KCNQ1: variants seen among roughly 807,000 people sequenced by gnomAD.
KCNQ1 encodes the protein potassium voltage-gated channel subfamily KQT member 1.
In KCNQ1, 49 loss-of-function variants were observed where a neutral mutation model predicts 72.4. The observed-to-expected ratio is 0.68, with a 90% CI of 0.54 to 0.86. The LOEUF is 0.86. KCNQ1 is among the 40% of genes least tolerant of loss of function. The pLI is 0.00. For missense variants in KCNQ1, 790 were observed against 945.1 expected, an observed-to-expected ratio of 0.84 and a Z score of 2.15; for synonymous variants, 450 against 412.6, an observed-to-expected ratio of 1.09 and a Z score of -1.10.
chr11:2,665,187 C>T (rs1447235476), intron 11 of KCNQ1: 4 of 398,566 alleles, frequency 1.0e-5, no homozygotes, highest in East Asian at 3.6e-5. Flanking sequence ...GACTCAGCCT[C>T]GAACACACCT....
chr11:2,532,603 T>A (rs1321516300), intron 2 of KCNQ1, among the ~76,000 whole-genome samples: 1 of 151,326 alleles, frequency 6.6e-6, no homozygotes, highest in Non-Finnish European at 1.5e-5. Context: ...GGGCTCTGGG[T>A]GGGGAGACAG....
chr11:2,688,054 G>A (rs1285652411), intron 11 of KCNQ1: 2 of 398,730 alleles, frequency 5.0e-6, no homozygotes, highest in Non-Finnish European at 8.8e-6. Context: ...CTCAGCTGCA[G>A]CCATGGAGTT....
chr11:2,759,014 A>C lies in KCNQ1; in HGVS notation c.1515-9830A>C, dbSNP rs1183825249. Reference sequence around the variant, plus strand: ...CACAAGGCAGAGCCACGCACACTGTACCAATGTCAATCTCCTGGCGTTGAT... The same window carrying C: ...CACAAGGCAGAGCCACGCACACTGTCCCAATGTCAATCTCCTGGCGTTGAT... On this transcript the variant is annotated intron_variant, in intron 11 of 15. Coordinates refer to ENST00000155840, the MANE Select transcript of KCNQ1 (RefSeq NM_000218.3). The surrounding 1 kb of genome is among the most constrained non-coding windows in gnomAD (Gnocchi z 4.4). Among the ~76,000 whole-genome samples, 2 of 151,992 alleles carry C rather than the reference A, an allele frequency of 1.3e-5. No individual in the cohort carries two copies. The highest frequency in any genetic ancestry group is 2.9e-5 in the Non-Finnish European group (2 of 68,026).
chr11:2,835,827 C>A (rs1848052514), intron 15 of KCNQ1, among the ~76,000 whole-genome samples: 1 of 152,188 alleles, frequency 6.6e-6, no homozygotes, highest in Non-Finnish European at 1.5e-5. Context: ...GCAGCGGGCT[C>A]AGCCTGCAGT....
In KCNQ1 at chr11:2,746,130, T is replaced by C. The variant is rs1441178530; in HGVS notation, c.1515-22714T>C. ...ATCTCGAACTCCTGGCCTCAAGTGA[T>C]CCATCCGCCTCGGCCTCCCAAAGTG... is the stretch of plus-strand genomic sequence containing the variant. On this transcript the variant is annotated intron_variant, in intron 11 of 15. Transcript: ENST00000155840. This position sits in a 1 kb window ranked among gnomAD's most constrained non-coding sequence, Gnocchi z 5.9. 6.6e-6 allele frequency among the ~76,000 whole-genome samples: 1 copy of C among 152,182 alleles called. No homozygotes were observed. Among genetic ancestry groups the C allele is most frequent in the African/African-American group, 2.4e-5 (1 of 41,434 alleles).
At position 2,486,334 on chromosome 11, in the gene KCNQ1, T is replaced by C. The variant is rs1034871277; in HGVS notation, c.386+40850T>C. 2.6e-5 allele frequency among the ~76,000 whole-genome samples: 4 copies of C among 152,356 alleles called. No individual in the cohort carries two copies. The highest frequency in any genetic ancestry group is 1.3e-4 in the Admixed American group (2 of 15,308). ...CTCCTCAGCTCTTTTGCCCACTTCA[T>C]TAAATTGAGAGGTTTGTTTTTGCTG... On this transcript the variant is annotated intron_variant, in intron 1 of 15. Coordinates refer to ENST00000155840, the MANE Select transcript of KCNQ1 (RefSeq NM_000218.3). The surrounding 1 kb of genome is among the most constrained non-coding windows in gnomAD (Gnocchi z 5.0).
At chr11:2,634,995 T>C (rs1028042478) in intron 10 of KCNQ1, 2 of 152,278 alleles carry the variant, frequency 1.3e-5, no homozygotes, top group African/African-American at 2.4e-5. Context: ...GAGAAGTGTC[T>C]GTTCATAACC....
chr11:2,659,002 A>G lies in KCNQ1; in HGVS notation c.1394-2959A>G. The G allele has an allele frequency of 2.5e-6, 1 of 398,608 alleles. No homozygotes were observed. Among genetic ancestry groups the G allele is most frequent in the East Asian group, 3.6e-5 (1 of 28,082 alleles). 24.7% of individuals were successfully genotyped at this position (398,608 alleles called of 1,614,324 possible). ...AGTCAAAACAGTGTTTTTGAAAGCA[A>G]CATATGCCAGCTCCTCCTCCTCCTT... is the stretch of plus-strand genomic sequence containing the variant. On this transcript the variant is annotated intron_variant, in intron 10 of 15. Coordinates refer to ENST00000155840, the MANE Select transcript of KCNQ1 (RefSeq NM_000218.3). The surrounding 1 kb of genome is among the most constrained non-coding windows in gnomAD (Gnocchi z 4.3).
At position 2,462,886 on chromosome 11, in the gene KCNQ1, G is replaced by A. The variant is rs1042383735; in HGVS notation, c.386+17402G>A. ...GGGACCAAACCTGGGTCCATGTGCC[G>A]TGCCCAGCCTGGGGTTCAGGTTTCT... On this transcript the variant is annotated intron_variant, in intron 1 of 15. Transcript: ENST00000155840. The surrounding 1 kb of genome is among the most constrained non-coding windows in gnomAD (Gnocchi z 8.2). Among the ~76,000 whole-genome samples, 2 of 152,170 alleles carry A rather than the reference G, an allele frequency of 1.3e-5. No individual in the cohort carries two copies. Among genetic ancestry groups the A allele is most frequent in the Non-Finnish European group, 2.9e-5 (2 of 68,030 alleles).
rs968684832 is a variant in KCNQ1 at position 2,711,807 on chromosome 11, G to T, written c.1514+49726G>T. Among the ~76,000 whole-genome samples the T allele has an allele frequency of 6.6e-6, 1 of 152,184 alleles. No homozygotes were observed. The highest frequency in any genetic ancestry group is 1.5e-5 in the Non-Finnish European group (1 of 68,038). On this transcript the variant is annotated intron_variant, in intron 11 of 15. Coordinates refer to ENST00000155840, the MANE Select transcript of KCNQ1 (RefSeq NM_000218.3). This position sits in a 1 kb window ranked among gnomAD's most constrained non-coding sequence, Gnocchi z 5.4. The stretch of plus-strand genomic sequence containing the variant: ...AACTCGAGGGTCTCAAATCCACTCA[G>T]CAGACTTAGGAGGGAGGGTCCTGGC...
chr11:2,652,782 C>T lies in KCNQ1; in HGVS notation c.1394-9179C>T, dbSNP rs1469238403. The T allele has an allele frequency of 1.3e-5, 5 of 398,986 alleles. No homozygotes were observed. Among genetic ancestry groups the T allele is most frequent in the Non-Finnish European group, 2.2e-5 (5 of 226,456 alleles). The allele number at this position is 398,986 out of a possible 1,614,324, so 24.7% of individuals were successfully genotyped here. A position where few individuals can be genotyped will look rare whatever the true frequency, so the allele number is the denominator to read the frequency against. ...CTGCCTGTCTTCCTCAGCGCCCCCG[C>T]TACTCAGACCCCACCCTTGGGCCTG... On this transcript the variant is annotated intron_variant, in intron 10 of 15. Transcript: ENST00000155840. The surrounding 1 kb of genome is among the most constrained non-coding windows in gnomAD (Gnocchi z 5.9).
chr11:2,574,621 C>T (rs990775330), intron 6 of KCNQ1, among the ~76,000 whole-genome samples: 6 of 152,204 alleles, frequency 3.9e-5, no homozygotes, highest in South Asian at 2.1e-4. Context: ...AGAAGCCTCC[C>T]GGTGGCTCCC....
intron 11 of KCNQ1, chr11:2,672,068 C>T: frequency 2.5e-6 from 1 of 398,704 alleles, no homozygotes; most frequent in Non-Finnish European, 4.4e-6. Flanking sequence ...CTCCCCTGGT[C>T]CCTGGTCTGG....
chr11:2,726,439 G>C (rs553305396), intron 11 of KCNQ1, among the ~76,000 whole-genome samples: 75 of 152,240 alleles, frequency 4.9e-4, no homozygotes, highest in Admixed American at 9.8e-4. Context: ...CACAGCTCAG[G>C]AGATGGATGC....
chr11:2,637,363 G>A (rs1319314665), intron 10 of KCNQ1: 1 of 152,230 alleles, frequency 6.6e-6, no homozygotes, highest in African/African-American at 2.4e-5. Context: ...ATGTGTCCCA[G>A]AGATTCTGGT....
rs1564814898 is a variant in KCNQ1, at chr11:2,553,169, T to TTG, written c.478-17458_478-17457insGT. 8.8e-3 allele frequency among the ~76,000 whole-genome samples: 1,243 copies of TTG among 141,448 alleles called. 19 individuals carry two copies. The highest frequency in any genetic ancestry group is 0.032 in the African/African-American group (1,187 of 36,762). The allele number at this position is 141,448 out of a possible 152,430, so 92.8% of individuals were successfully genotyped here. A position where few individuals can be genotyped will look rare whatever the true frequency, so the allele number is the denominator to read the frequency against. ...GTTTTTGGGGTTTTTTTTGTTTTTT[T>TTG]TTTTTTTGTTTTTTTGTAGATTCTT... On this transcript the variant is annotated intron_variant, in intron 2 of 15. Transcript: ENST00000155840.
At position 2,471,867 on chromosome 11, in the gene KCNQ1, T is replaced by G. The variant is rs1262553774; in HGVS notation, c.386+26383T>G. Among the ~76,000 whole-genome samples the G allele has an allele frequency of 6.6e-6, 1 of 150,668 alleles. No individual in the cohort carries two copies. The highest frequency in any genetic ancestry group is 1.5e-5 in the Non-Finnish European group (1 of 67,958). ...GTGTGTATAGGTGTGTGTGTTTATG[T>G]ATGGGTGTGTGTGCACATGTGTATA... On this transcript the variant is annotated intron_variant, in intron 1 of 15. Coordinates refer to ENST00000155840, the MANE Select transcript of KCNQ1 (RefSeq NM_000218.3). The surrounding 1 kb of genome is among the most constrained non-coding windows in gnomAD (Gnocchi z 4.8).
chr11:2,555,397 C>T (rs1463922639), intron 2 of KCNQ1, among the ~76,000 whole-genome samples: 1 of 152,204 alleles, frequency 6.6e-6, no homozygotes, highest in African/African-American at 2.4e-5. Context: ...CAGGCTGAAA[C>T]TAAATCCTCG....
chr11:2,512,343 A>T (rs1394061483), intron 1 of KCNQ1, among the ~76,000 whole-genome samples: 1 of 152,164 alleles, frequency 6.6e-6, no homozygotes, highest in Non-Finnish European at 1.5e-5. Context: ...GGATTGGCAG[A>T]AAAGGGATGC....
Sources: gnomAD v4.1 joint callset for allele counts (sites outside exome capture counted in the v4.1 genomes callset) on GRCh38, gnomAD v4.1.1 for gene constraint, Gnocchi (gnomAD v3.1) non-coding constraint, MANE v1.5 for transcripts, NCBI Gene and HGNC (gene_info 2026-07-23, HGNC 2026-07-21) for gene names.